Variants in EPM2A observed in about 807,000 individuals in gnomAD.
EPM2A encodes the protein EPM2A glucan phosphatase, laforin, also known as laforin.
EPM2A carries 21 observed loss-of-function variants against 26.5 expected under a neutral mutation model. The observed-to-expected ratio is 0.79, with a 90% CI of 0.56 to 1.14. The LOEUF (loss-of-function observed/expected upper bound fraction) is 1.14. EPM2A is among the 50% of genes most tolerant of loss of function. The pLI is 0.00. For missense variants in EPM2A, 458 were observed against 440.8 expected (o/e 1.04, Z -0.35); for synonymous variants, 217 against 177.6 (o/e 1.22, Z -1.76).
chr6:145,586,767 T>C (rs1781200854), intron 2 of EPM2A, among the ~76,000 whole-genome samples: 1 of 152,132 alleles, frequency 6.6e-6, no homozygotes. Flanking sequence ...AAACAGATAA[T>C]TTTAGAAATT....
chr6:145,405,341 T>A (rs1388951942), intron 4 of EPM2A, among the ~76,000 whole-genome samples: 1 of 152,146 alleles, frequency 6.6e-6, no homozygotes, highest in Non-Finnish European at 1.5e-5. Flanking sequence ...CTGAACTGAA[T>A]GTCTGCGTGT....
At chr6:145,461,795 G>A (rs1295640757) in intron 4 of EPM2A, among the ~76,000 whole-genome samples, 1 of 152,216 alleles carries the variant, frequency 6.6e-6, no homozygotes, top group Non-Finnish European at 1.5e-5. Context: ...AGAAGGCACA[G>A]CAGGTTCTTG....
At position 145,505,841 on chromosome 6, in the gene EPM2A, A is replaced by C. The variant is rs529959102; in HGVS notation, c.341-3266T>G. ...CTATTAATATGTGTAGTAAGAAATA[A>C]ATGAATGAAAAAGTTAAAATTTAAT... On this transcript the variant is annotated intron_variant, in intron 2 of 3. Transcript: ENST00000450221. Among the ~76,000 whole-genome samples the C allele has an allele frequency of 2.8e-4, 42 of 152,348 alleles. No individual in the cohort carries two copies. The South Asian group carries it at 7.9e-3, about 29-fold the overall frequency.
intron 2 of EPM2A, among the ~76,000 whole-genome samples, chr6:145,591,054 G>T (rs1781267678): frequency 6.6e-6 from 1 of 151,982 alleles, no homozygotes; most frequent in Non-Finnish European, 1.5e-5. Flanking sequence ...AGATCAAAAA[G>T]AAATGCTGGA....
rs1776390467 is a variant in EPM2A, at chr6:145,729,779, G to C, written c.301+5419C>G. On this transcript the variant is annotated intron_variant, in intron 1 of 3. Transcript: ENST00000367519. ...CTTTGGGGGACCGTTGAGAAGGAAAGATTGTATTTTACAGTGTGAGAAGGA... is the reference window on the plus strand; with the variant it reads ...CTTTGGGGGACCGTTGAGAAGGAAACATTGTATTTTACAGTGTGAGAAGGA... Among the ~76,000 whole-genome samples the C allele has an allele frequency of 1.3e-5, 2 of 152,192 alleles. 1 individual carries two copies. Among genetic ancestry groups the C allele is most frequent in the South Asian group, 4.1e-4 (2 of 4,834 alleles).
chr6:145,495,972 A>G (rs895175702), intron 4 of EPM2A, among the ~76,000 whole-genome samples: 2 of 152,144 alleles, frequency 1.3e-5, no homozygotes, highest in African/African-American at 2.4e-5. Context: ...TGCTTCCTTT[A>G]GAAGCTCTTC....
intron 2 of EPM2A, among the ~76,000 whole-genome samples, chr6:145,557,063 A>C (rs1018046967): frequency 2.0e-5 from 3 of 152,144 alleles, no homozygotes; most frequent in Non-Finnish European, 2.9e-5. Context: ...ATTTTAGCAG[A>C]TTATCTGTGC....
intron 2 of EPM2A, among the ~76,000 whole-genome samples, chr6:145,674,811 G>C (rs558229018): frequency 4.6e-5 from 7 of 152,080 alleles, no homozygotes; most frequent in African/African-American, 7.2e-5. Context: ...ACATTTGATT[G>C]GTGTACCTGA....
At chr6:145,395,589 C>T (rs1194196555) in intron 4 of EPM2A, among the ~76,000 whole-genome samples, 1 of 152,168 alleles carries the variant, frequency 6.6e-6, no homozygotes, top group African/African-American at 2.4e-5. Context: ...CTGCACCACA[C>T]TCAGCATCTT....
At chr6:145,464,561 A>G (rs1053175813) in intron 4 of EPM2A, among the ~76,000 whole-genome samples, 2 of 152,176 alleles carry the variant, frequency 1.3e-5, no homozygotes, top group Non-Finnish European at 2.9e-5. Flanking sequence ...GAAGTTAAGC[A>G]TCTTTTAAAA....
intron 1 of EPM2A, among the ~76,000 whole-genome samples, chr6:145,689,795 T>C (rs1781159301): frequency 1.3e-5 from 2 of 152,178 alleles, no homozygotes; most frequent in South Asian, 2.1e-4. Flanking sequence ...CTCACTATCA[T>C]GGTGTCAGAG....
chr6:145,714,295 C>T (rs751021595), intron 1 of EPM2A, among the ~76,000 whole-genome samples: 2 of 152,210 alleles, frequency 1.3e-5, no homozygotes, highest in Non-Finnish European at 2.9e-5. Flanking sequence ...AACATACACA[C>T]ATCCTCCTGT....
intron 4 of EPM2A, among the ~76,000 whole-genome samples, chr6:145,399,102 T>C (rs1426702785): frequency 6.6e-6 from 1 of 152,132 alleles, no homozygotes; most frequent in Non-Finnish European, 1.5e-5. Context: ...TAAAGAAAAT[T>C]TAAAATTTGT....
intron 2 of EPM2A, among the ~76,000 whole-genome samples, chr6:145,572,761 A>G (rs1780975930): frequency 6.6e-6 from 1 of 152,136 alleles, no homozygotes; most frequent in South Asian, 2.1e-4. Context: ...AGGTCATATG[A>G]CCCAAGTGGC....
downstream of EPM2A, among the ~76,000 whole-genome samples, chr6:145,498,407 C>A (rs993499748): frequency 3.3e-5 from 5 of 152,308 alleles, no homozygotes; most frequent in African/African-American, 1.2e-4. Flanking sequence ...TACCAGGGAT[C>A]CTGGAGCCAG....
chr6:145,549,838 C>T (rs913381205), intron 2 of EPM2A, among the ~76,000 whole-genome samples: 1 of 152,072 alleles, frequency 6.6e-6, no homozygotes, highest in Non-Finnish European at 1.5e-5. Flanking sequence ...GCCATGTGGC[C>T]ATGAAAGCCA....
intron 4 of EPM2A, among the ~76,000 whole-genome samples, chr6:145,450,350 CA>C (rs368618860): frequency 0.24 from 14,743 of 62,560 alleles, 387 homozygotes; most frequent in Middle Eastern, 0.3. Context: ...GACTCCGTCT[CA>C]AAAAAAAAAA....
intron 2 of EPM2A, among the ~76,000 whole-genome samples, chr6:145,678,964 G>A (rs537384412): frequency 2.0e-5 from 3 of 152,204 alleles, no homozygotes; most frequent in Non-Finnish European, 2.9e-5. Flanking sequence ...TATTTATTGC[G>A]GCATTATTCA....
intron 4 of EPM2A, among the ~76,000 whole-genome samples, chr6:145,455,361 A>G (rs1360124012): frequency 6.6e-6 from 1 of 152,042 alleles, no homozygotes; most frequent in Admixed American, 6.6e-5. Context: ...AACTAAAAAA[A>G]TTTTTTTCTT....
Sources: gnomAD v4.1 joint callset for allele counts (sites outside exome capture counted in the v4.1 genomes callset) on GRCh38, gnomAD v4.1.1 for gene constraint, MANE v1.5 for transcripts, NCBI Gene and HGNC (gene_info 2026-07-23, HGNC 2026-07-21) for gene names.